The following TRAPPC10 variants were observed in gnomAD, a reference collection of about 807,000 sequenced individuals.
TRAPPC10 encodes the protein TRAPP 130 kDa subunit.
TRAPPC10 carries 23 observed loss-of-function variants against 125.5 expected under a neutral mutation model. The observed-to-expected ratio is 0.18, with a 90% CI of 0.13 to 0.26. TRAPPC10 has a LOEUF of 0.26. Ranked by LOEUF, TRAPPC10 falls within the 10% of genes least tolerant of loss-of-function variation. The pLI, the probability that TRAPPC10 is intolerant of heterozygous loss-of-function variation, is 1.00. For missense variants in TRAPPC10, 1,123 were observed against 1,308.4 expected (o/e 0.86, Z 2.19); for synonymous variants, 509 against 518.0 (o/e 0.98, Z 0.24).
Position 44,059,470 on chromosome 21 carries a change from A to C in TRAPPC10, c.790+256A>C, listed in dbSNP as rs1310519624. ...TTAAAAAAACTGTTTTCCAGGTATA[A>C]AATGTCCTTTCCACAACTCAGTGGC... On this transcript the variant is annotated intron_variant, in intron 6 of 22. Coordinates refer to ENST00000291574, the MANE Select transcript of TRAPPC10 (RefSeq NM_003274.5). This position sits in a 1 kb window ranked among gnomAD's most constrained non-coding sequence, Gnocchi z 4.4. 2 of 746,366 alleles carry C rather than the reference A, an allele frequency of 2.7e-6. No homozygotes were observed. Among genetic ancestry groups the C allele is most frequent in the African/African-American group, 3.4e-5 (2 of 58,152 alleles). 46.2% of individuals were successfully genotyped at this position (746,366 alleles called of 1,614,324 possible).
chr21:44,047,026 C>G, intron 3 of TRAPPC10: 1 of 747,872 alleles, frequency 1.3e-6, no homozygotes. Flanking sequence ...TCCTTTCCCA[C>G]CTTACTGCCA....
intron 3 of TRAPPC10, among the ~76,000 whole-genome samples, chr21:44,038,502 C>T (rs993424301): frequency 1.3e-5 from 2 of 151,826 alleles, no homozygotes; most frequent in South Asian, 2.1e-4. Context: ...GGAGGCGCCC[C>T]GTGACTCTCC....
chr21:44,035,649 C>T (rs766171332), intron 2 of TRAPPC10, among the ~76,000 whole-genome samples: 2 of 152,042 alleles, frequency 1.3e-5, no homozygotes, highest in Non-Finnish European at 2.9e-5. Flanking sequence ...TGGTGGCACA[C>T]GCCTGTAATC....
At chr21:44,068,564 A>T (rs533376523) in intron 7 of TRAPPC10, among the ~76,000 whole-genome samples, 7 of 152,290 alleles carry the variant, frequency 4.6e-5, no homozygotes, top group African/African-American at 1.7e-4. Context: ...GCCATAGTCC[A>T]AGGGAAAAGA....
intron 3 of TRAPPC10, chr21:44,046,881 T>C (rs2034858095): frequency 1.1e-5 from 9 of 801,814 alleles, no homozygotes; most frequent in Middle Eastern, 2.5e-4. Flanking sequence ...ATGGCTGTGT[T>C]GTACACAGCG....
chr21:44,040,877 A>C (rs2095874862), intron 3 of TRAPPC10, among the ~76,000 whole-genome samples: 1 of 151,842 alleles, frequency 6.6e-6, no homozygotes, highest in African/African-American at 2.4e-5. Flanking sequence ...CAGTCCCCTG[A>C]AGTGCTGGGA....
At chr21:44,088,233 T>C (rs1417247771) in intron 17 of TRAPPC10, 1 of 407,372 alleles carries the variant, frequency 2.5e-6, no homozygotes, top group East Asian at 4.8e-5. Context: ...TCATGTCCAT[T>C]AGACCGGTGA....
intron 13 of TRAPPC10, among the ~76,000 whole-genome samples, chr21:44,081,025 T>C (rs1432139754): frequency 2.9e-5 from 4 of 138,132 alleles, no homozygotes; most frequent in Admixed American, 7.0e-5. Context: ...TTCTTTTTTT[T>C]TTTTTTTTTT....
intron 1 of TRAPPC10, among the ~76,000 whole-genome samples, chr21:44,026,499 T>A (rs1380723364): frequency 1.6e-4 from 24 of 152,348 alleles, no homozygotes; most frequent in Admixed American, 6.5e-5. Flanking sequence ...AATGAATGTA[T>A]GGCCTATGGG....
Position 44,091,461 on chromosome 21 carries a change from G to T in TRAPPC10, c.2871-462G>T, listed in dbSNP as rs1009400414. Among the ~76,000 whole-genome samples, 4 of 152,002 alleles carry T rather than the reference G, an allele frequency of 2.6e-5. No homozygotes were observed. The East Asian group carries it at 7.7e-4, about 29-fold the overall frequency. On this transcript the variant is annotated intron_variant, in intron 18 of 22. Transcript: ENST00000291574. ...TTATTTTTATTTGTTATTTTTTTGA[G>T]ATGGAGTCTCGCCCTGTCACCAGGC... is the stretch of plus-strand genomic sequence containing the variant.
chr21:44,080,507 T>TA (rs2037615405), intron 13 of TRAPPC10, among the ~76,000 whole-genome samples: 1 of 151,948 alleles, frequency 6.6e-6, no homozygotes, highest in African/African-American at 2.4e-5. Context: ...TCTTTTAATG[T>TA]AAAAAAAGTT....
chr21:44,089,191 C>T (rs1028823571), intron 17 of TRAPPC10: 3 of 315,138 alleles, frequency 9.5e-6, no homozygotes, highest in African/African-American at 6.6e-5. Flanking sequence ...CTGGTGGCAC[C>T]TGTGCTATGT....
intron 8 of TRAPPC10, 146 bp downstream of exon 8, chr21:44,074,616 C>G (rs1246340239): frequency 1.8e-6 from 2 of 1,085,996 alleles, no homozygotes; most frequent in Non-Finnish European, 2.6e-6. Context: ...TGTCTGGGTG[C>G]AGCCAAAGAA....
chr21:44,036,350 A>G (rs1036135389), intron 2 of TRAPPC10, among the ~76,000 whole-genome samples: 1 of 152,226 alleles, frequency 6.6e-6, no homozygotes, highest in Non-Finnish European at 1.5e-5. Flanking sequence ...AGTGTCATCA[A>G]GAGGGAAGAC....
Position 44,084,500 on chromosome 21 carries a change from A to G in TRAPPC10, c.2380+237A>G, listed in dbSNP as rs112223665. On this transcript the variant is annotated intron_variant, in intron 15 of 22. Transcript: ENST00000291574. ...TAAACATGGTGTATCTGAAAATAAG[A>G]AACACAGAAGAATTAGCTCTGAGAG... Among the ~76,000 whole-genome samples the G allele has an allele frequency of 3.6e-3, 556 of 152,332 alleles. 3 individuals are homozygous for G. Among genetic ancestry groups the G allele is most frequent in the African/African-American group, 0.011 (469 of 41,570 alleles).
At chr21:44,045,777 C>T (rs1048145224) in intron 3 of TRAPPC10, among the ~76,000 whole-genome samples, 7 of 151,954 alleles carry the variant, frequency 4.6e-5, no homozygotes, top group African/African-American at 1.5e-4. Flanking sequence ...AGGCTAGTCT[C>T]GAGCTCCCGA....
chr21:44,088,860 C>T (rs1230619311), intron 17 of TRAPPC10: 2 of 147,622 alleles, frequency 1.4e-5, no homozygotes, highest in African/African-American at 5.4e-5. Flanking sequence ...CTGGCGGCAC[C>T]TGTGCTATGT....
Position 44,075,061 on chromosome 21 carries a change from G to A in TRAPPC10, c.1208G>A (p.Cys403Tyr). The A allele has an allele frequency of 6.2e-7, 1 of 1,613,944 alleles. No homozygotes were observed. Among genetic ancestry groups the A allele is most frequent in the Middle Eastern group, 1.6e-4 (1 of 6,062 alleles). Residue 403 changes from cysteine (C) to tyrosine (Y), a missense_variant, in exon 9 of 23, where the codon TGT becomes TAT. By Grantham distance (194) the Cys-to-Tyr change is radical. Coordinates refer to ENST00000291574, the MANE Select transcript of TRAPPC10 (RefSeq NM_003274.5). ...TEKLKSLGYL[C>Y]GLVSEKGPNS... ...CAGTTAAAGTCCTTGGGCTATCTAT[G>A]TGGACTTGTGTCAGAGAAAGGACCT...
At chr21:44,012,768 C>T (rs950128295) in intron 1 of TRAPPC10, among the ~76,000 whole-genome samples, 1 of 151,962 alleles carries the variant, frequency 6.6e-6, no homozygotes, top group African/African-American at 2.4e-5. Flanking sequence ...CCTCTGACCC[C>T]TGGGGGGCGC....
Sources: gnomAD v4.1 joint callset for allele counts (sites outside exome capture counted in the v4.1 genomes callset) on GRCh38, gnomAD v4.1.1 for gene constraint, Gnocchi (gnomAD v3.1) non-coding constraint, MANE v1.5 for transcripts, NCBI Gene and HGNC (gene_info 2026-07-23, HGNC 2026-07-21) for gene names.